Variants in SYN3 observed in about 807,000 individuals in gnomAD.
SYN3 encodes synapsin III.
In SYN3, 35 loss-of-function variants were observed where a neutral mutation model predicts 65.8. That is an observed-to-expected ratio of 0.53 (90% CI 0.41 to 0.70). The LOEUF is 0.70. Among genes scored for constraint, SYN3 ranks in the 30% least tolerant of loss-of-function variants. The pLI, the probability that SYN3 is intolerant of heterozygous loss-of-function variation, is 0.00. For synonymous variants in SYN3, 270 were observed against 292.9 expected (o/e 0.92, Z 0.80); for missense variants, 680 against 749.0 (o/e 0.91, Z 1.08).
At chr22:32,998,942 C>T (rs2052978679) in intron 2 of SYN3, among the ~76,000 whole-genome samples, 1 of 152,050 alleles carries the variant, frequency 6.6e-6, no homozygotes, top group Non-Finnish European at 1.5e-5. Flanking sequence ...TTCTGTGTTC[C>T]TGAACCCTAA....
At chr22:32,935,310 A>T (rs137555) in intron 3 of SYN3, among the ~76,000 whole-genome samples, 31,056 of 128,130 alleles carry the variant, frequency 0.24, 3,153 homozygotes, top group South Asian at 0.35. Context: ...TCTCTCTCTC[A>T]CACACACACA....
intron 6 of SYN3, among the ~76,000 whole-genome samples, chr22:32,842,170 C>T (rs565362740): frequency 6.0e-4 from 91 of 152,304 alleles, no homozygotes; most frequent in Admixed American, 1.6e-3. Flanking sequence ...AGCGACTTCA[C>T]CCAGACCCCA....
intron 6 of SYN3, among the ~76,000 whole-genome samples, chr22:32,694,527 A>G (rs2060710192): frequency 6.6e-6 from 1 of 152,150 alleles, no homozygotes; most frequent in African/African-American, 2.4e-5. Context: ...GTCCACTCAT[A>G]TGTGGATTTT....
rs747757158 is a variant in SYN3, at chr22:32,528,991, C to T, written c.1113G>A (p.Met371Ile). The T allele has an allele frequency of 6.2e-7, 1 of 1,613,968 alleles. No homozygotes were observed. Reference sequence around the variant, plus strand: ...CTTCCACATGCTCTCCAATCAGCGGCATTGAGCTGTCCATTACCTGTGGGG... The same window carrying T: ...CTTCCACATGCTCTCCAATCAGCGGTATTGAGCTGTCCATTACCTGTGGGG... The part of the protein sequence containing the change: ...DYIIEVMDSS[M>I]PLIGEHVEED... Residue 371 changes from methionine (M) to isoleucine (I), a missense_variant, in exon 11 of 14, where the codon ATG (methionine) becomes ATA (isoleucine). By Grantham distance (10) the Met-to-Ile change is conservative. Coordinates refer to ENST00000358763, the MANE Select transcript of SYN3 (RefSeq NM_003490.4).
intron 2 of SYN3, among the ~76,000 whole-genome samples, chr22:32,987,967 G>A (rs754242309): frequency 3.9e-5 from 6 of 152,216 alleles, no homozygotes; most frequent in Non-Finnish European, 5.9e-5. Context: ...AGGATAAGAT[G>A]TGGGGTGCAG....
At chr22:32,858,254 A>AG in intron 6 of SYN3, 6 of 1,457,956 alleles carry the variant, frequency 4.1e-6, no homozygotes, top group Non-Finnish European at 5.6e-6. Context: ...TGCATGTGTT[A>AG]GGCCAGGGCA....
intron 4 of SYN3, among the ~76,000 whole-genome samples, chr22:32,885,161 C>CAAAA (rs5845046): frequency 7.0e-6 from 1 of 143,554 alleles, no homozygotes; most frequent in Non-Finnish European, 1.5e-5. Context: ...GAGTTGGGTG[C>CAAAA]AAAAAAAAAA....
At chr22:32,694,899 C>T (rs1601928713) in intron 6 of SYN3, among the ~76,000 whole-genome samples, 1 of 152,340 alleles carries the variant, frequency 6.6e-6, no homozygotes, top group South Asian at 2.1e-4. Flanking sequence ...GTCAACCAGA[C>T]TGGCTTTTAA....
At chr22:32,829,071 C>T (rs2047495782) in intron 6 of SYN3, among the ~76,000 whole-genome samples, 1 of 152,192 alleles carries the variant, frequency 6.6e-6, no homozygotes, top group East Asian at 1.9e-4. Context: ...CCAGCTGAAA[C>T]TGGCACCATT....
At chr22:32,572,360 TCCC>T (rs1447317277) in intron 7 of SYN3, among the ~76,000 whole-genome samples, 3,876 of 84,640 alleles carry the variant, frequency 0.046, 274 homozygotes, top group African/African-American at 0.16. Flanking sequence ...TTCCCTTACT[TCCC>T]TTCCACCCTC....
intron 6 of SYN3, among the ~76,000 whole-genome samples, chr22:32,815,447 T>G (rs1471871000): frequency 6.6e-6 from 1 of 152,220 alleles, no homozygotes; most frequent in South Asian, 2.1e-4. Flanking sequence ...TTAACATTTA[T>G]TGATTTGTTT....
chr22:32,937,690 C>T (rs1451106151), intron 3 of SYN3, among the ~76,000 whole-genome samples: 2 of 152,092 alleles, frequency 1.3e-5, no homozygotes, highest in African/African-American at 4.8e-5. Context: ...TTGCCAGGCC[C>T]CACCTCCAAC....
chr22:32,906,794 G>T (rs1258629089), intron 4 of SYN3, among the ~76,000 whole-genome samples: 1 of 152,232 alleles, frequency 6.6e-6, no homozygotes, highest in East Asian at 1.9e-4. Flanking sequence ...TGCTGAGAAT[G>T]ATGGCTTCCA....
Position 32,957,472 on chromosome 22 carries a change from T to G in SYN3, c.369+23173A>C, listed in dbSNP as rs5994645. 7.5e-4 allele frequency among the ~76,000 whole-genome samples: 114 copies of G among 152,328 alleles called. 2 individuals carry two copies. The highest frequency in any genetic ancestry group is 2.6e-3 in the African/African-American group (107 of 41,572). On this transcript the variant is annotated intron_variant, in intron 3 of 13. Coordinates refer to ENST00000358763, the MANE Select transcript of SYN3 (RefSeq NM_003490.4). ...CCTAAGGCCCCATCTGTTTTCAATC[T>G]TGTTAAAAGGGCCTCATGTGCTGGC...
chr22:32,578,253 C>CT (rs1569057586), intron 7 of SYN3, among the ~76,000 whole-genome samples: 4,163 of 138,680 alleles, frequency 0.03, 179 homozygotes, highest in African/African-American at 0.095. Flanking sequence ...CTCTCTCTCT[C>CT]CCTCTCTCTT....
At chr22:32,756,634 TCAGTA>T (rs1040707448) in intron 6 of SYN3, among the ~76,000 whole-genome samples, 37 of 152,284 alleles carry the variant, frequency 2.4e-4, no homozygotes, top group African/African-American at 8.4e-4. Flanking sequence ...GGTGCTGTCC[TCAGTA>T]TAGTAAGTGA....
chr22:33,054,469 C>A (rs2054223387), intron 1 of SYN3, among the ~76,000 whole-genome samples: 1 of 152,114 alleles, frequency 6.6e-6, no homozygotes, highest in East Asian at 1.9e-4. Flanking sequence ...ATTTACTATC[C>A]TCATGATGAT....
rs1258445829 is a variant in SYN3, at chr22:32,771,991, GTTGTGTGCATGAGGCTGCAC to G, written c.711+92904_711+92923del. 1.1e-4 allele frequency among the ~76,000 whole-genome samples: 17 copies of G among 152,272 alleles called. No individual in the cohort carries two copies. In the East Asian group the frequency reaches 3.1e-3, roughly 28 times the overall value. On this transcript the variant is annotated intron_variant, in intron 6 of 13. Transcript: ENST00000358763. The stretch of plus-strand genomic sequence containing the variant: ...ACAGCCGTTTAATGTGGGAAGGGTG[GTTGTGTGCATGAGGCTGCAC>G]TAGGCTGTCTGGAGAGCAGTTTTAG...
chr22:32,931,809 C>A (rs1423998601), intron 3 of SYN3, among the ~76,000 whole-genome samples: 1 of 152,212 alleles, frequency 6.6e-6, no homozygotes, highest in Non-Finnish European at 1.5e-5. Context: ...GCTCCAAGAC[C>A]AGAACATGCC....
Sources: allele counts gnomAD v4.1 joint callset (sites outside exome capture counted in the v4.1 genomes callset), GRCh38; gene constraint gnomAD v4.1.1; transcripts MANE v1.5; gene names NCBI Gene and HGNC (gene_info 2026-07-23, HGNC 2026-07-21).